The following SAMD5 variants were observed in gnomAD, a reference collection of about 807,000 sequenced individuals.
SAMD5 encodes sterile alpha motif domain-containing protein 5.
In SAMD5, 13 loss-of-function variants were observed where a neutral mutation model predicts 11.3. That is an observed-to-expected ratio of 1.15 (90% CI 0.75 to 1.83). The LOEUF is 1.83. Among genes scored for constraint, SAMD5 ranks in the 40% most tolerant of loss-of-function variants. The probability of loss-of-function intolerance (pLI) is 0.00; values close to 1 mark genes in which losing one functional copy is unlikely to be tolerated. For synonymous variants in SAMD5, 129 were observed against 111.3 expected, an observed-to-expected ratio of 1.16 and a Z score of -1.00; for missense variants, 255 against 239.1, an observed-to-expected ratio of 1.07 and a Z score of -0.44.
chr6:147,521,513 G>T (rs1304236770), intron 1 of SAMD5, among the ~76,000 whole-genome samples: 1 of 151,950 alleles, frequency 6.6e-6, no homozygotes, highest in African/African-American at 2.4e-5. Flanking sequence ...AATAGAGAGG[G>T]TGCAGTCTCA....
At chr6:147,742,409 C>A (rs1460697825), downstream of SAMD5, among the ~76,000 whole-genome samples, 1 of 152,146 alleles carries the variant, frequency 6.6e-6, no homozygotes, top group Non-Finnish European at 1.5e-5. Context: ...ATAATCTTCG[C>A]GTGACCTGCG....
the SAMD5 span, among the ~76,000 whole-genome samples, chr6:147,779,024 A>G: frequency 6.6e-6 from 1 of 150,924 alleles, no homozygotes; most frequent in East Asian, 1.9e-4. Context: ...CTACCTCATC[A>G]TGTGACCAAA....
the SAMD5 span, among the ~76,000 whole-genome samples, chr6:147,789,099 A>C: frequency 3.7e-4 from 37 of 99,702 alleles, no homozygotes; most frequent in South Asian, 2.2e-3. Context: ...AAACAAACAA[A>C]CAAAAAAAAA....
At chr6:147,577,452 T>C (rs1291319192) in intron 1 of SAMD5, among the ~76,000 whole-genome samples, 2 of 152,338 alleles carry the variant, frequency 1.3e-5, no homozygotes, top group Admixed American at 6.5e-5. Context: ...TTTTTGAGCC[T>C]GTCTGTCCTC....
chr6:147,725,387 C>CTTTTT (rs10711772), intron 1 of SAMD5, among the ~76,000 whole-genome samples: 2 of 119,220 alleles, frequency 1.7e-5, no homozygotes, highest in Non-Finnish European at 3.5e-5. Flanking sequence ...ACTGACCTGG[C>CTTTTT]TTTTTTTTTT....
chr6:147,921,252 TAAAAC>T, the SAMD5 span, among the ~76,000 whole-genome samples: 24 of 138,484 alleles, frequency 1.7e-4, no homozygotes, highest in African/African-American at 5.4e-4. Flanking sequence ...AACACTTTCT[TAAAAC>T]AAAAGAGAGA....
the SAMD5 span, among the ~76,000 whole-genome samples, chr6:147,944,867 A>G: frequency 6.6e-6 from 1 of 152,184 alleles, no homozygotes; most frequent in African/African-American, 2.4e-5. Flanking sequence ...GCTTCTGGTG[A>G]CAGCCAGCAG....
the SAMD5 span, among the ~76,000 whole-genome samples, chr6:147,856,718 A>T: frequency 6.6e-6 from 1 of 151,402 alleles, no homozygotes; most frequent in Non-Finnish European, 1.5e-5. Flanking sequence ...GGTATAACCC[A>T]TCTTCCTCCT....
At chr6:147,896,008 G>A in the SAMD5 span, among the ~76,000 whole-genome samples, 4 of 152,200 alleles carry the variant, frequency 2.6e-5, no homozygotes, top group Non-Finnish European at 4.4e-5. Flanking sequence ...TGTGTTGCAC[G>A]TGGCATAGCT....
downstream of SAMD5, among the ~76,000 whole-genome samples, chr6:147,740,225 G>T (rs905553802): frequency 6.6e-6 from 1 of 151,986 alleles, no homozygotes; most frequent in Non-Finnish European, 1.5e-5. Context: ...GTCATGCAAC[G>T]CTGCCTCTTT....
the SAMD5 span, among the ~76,000 whole-genome samples, chr6:147,767,070 T>C: frequency 6.2e-4 from 94 of 152,350 alleles, no homozygotes; most frequent in East Asian, 0.015. Context: ...TATAGTGATA[T>C]AAATGGTGAC....
the SAMD5 span, among the ~76,000 whole-genome samples, chr6:147,865,944 A>C: frequency 8.5e-5 from 13 of 152,166 alleles, no homozygotes; most frequent in African/African-American, 2.7e-4. Context: ...CAATATAATA[A>C]ATTTTAAAGC....
intron 1 of SAMD5, among the ~76,000 whole-genome samples, chr6:147,590,912 T>C (rs1240844227): frequency 1.3e-5 from 2 of 152,242 alleles, no homozygotes; most frequent in African/African-American, 4.8e-5. Context: ...GTCAAGGACT[T>C]AAGATTATTT....
At chr6:147,805,112 A>C in the SAMD5 span, among the ~76,000 whole-genome samples, 1 of 152,234 alleles carries the variant, frequency 6.6e-6, no homozygotes, top group African/African-American at 2.4e-5. Flanking sequence ...AATGGGGTTT[A>C]TTGCAAAGGA....
intron 1 of SAMD5, among the ~76,000 whole-genome samples, chr6:147,658,409 G>T (rs1790599906): frequency 6.6e-6 from 1 of 151,640 alleles, no homozygotes; most frequent in Non-Finnish European, 1.5e-5. Context: ...CAAGATGATG[G>T]TTTATTTATT....
At chr6:147,793,401 A>G in the SAMD5 span, among the ~76,000 whole-genome samples, 2 of 152,202 alleles carry the variant, frequency 1.3e-5, no homozygotes, top group African/African-American at 4.8e-5. Context: ...ATGAGATGTG[A>G]TGACTAAGTA....
At chr6:147,524,132 TTC>T (rs1002625681) in intron 1 of SAMD5, among the ~76,000 whole-genome samples, 3 of 152,146 alleles carry the variant, frequency 2.0e-5, no homozygotes, top group African/African-American at 7.2e-5. Context: ...GCTAGTGTAT[TTC>T]TCTCTCTCTT....
At chr6:147,605,954 T>C (rs1000823595) in intron 1 of SAMD5, among the ~76,000 whole-genome samples, 7 of 151,674 alleles carry the variant, frequency 4.6e-5, no homozygotes, top group African/African-American at 1.7e-4. Context: ...CAGAGCAGGG[T>C]TGGCACACAA....
At chr6:147,724,621 G>A (rs1490075289) in intron 1 of SAMD5, among the ~76,000 whole-genome samples, 1 of 152,142 alleles carries the variant, frequency 6.6e-6, no homozygotes. Flanking sequence ...CTGGCCCCCT[G>A]TGGAGATCCT....
Sources: gnomAD v4.1 joint callset for allele counts (sites outside exome capture counted in the v4.1 genomes callset) on GRCh38, gnomAD v4.1.1 for gene constraint, MANE v1.5 for transcripts, NCBI Gene and HGNC (gene_info 2026-07-23, HGNC 2026-07-21) for gene names.